KCNQ5: variants seen among roughly 807,000 people sequenced by gnomAD.
The protein encoded by KCNQ5 is potassium voltage-gated channel subfamily KQT member 5.
A neutral mutation model predicts 98.2 loss-of-function variants in KCNQ5; 30 were observed. That is an observed-to-expected ratio of 0.31 (90% confidence interval 0.23 to 0.41). The LOEUF is 0.41. Ranked by LOEUF, KCNQ5 falls within the 10% of genes least tolerant of loss-of-function variation. KCNQ5 has a pLI of 1.00. For missense variants in KCNQ5, 835 were observed against 1,182.5 expected (o/e 0.71, Z 4.31); for synonymous variants, 458 against 449.4 (o/e 1.02, Z -0.24).
rs193198502 is a variant in KCNQ5 at position 72,903,746 on chromosome 6, T to C, written c.399-100162T>C. 7.1e-3 allele frequency among the ~76,000 whole-genome samples: 1,080 copies of C among 152,294 alleles called. 6 individuals carry two copies. The highest frequency in any genetic ancestry group is 0.012 in the Non-Finnish European group (784 of 67,992). On this transcript the variant is annotated intron_variant, in intron 1 of 13. Transcript: ENST00000370398. ...AATTTATTGAGGCTTGTTTGTGGCCTATGATATGGTCTATCTTGGAGAAAG... is the reference window on the plus strand; with the variant it reads ...AATTTATTGAGGCTTGTTTGTGGCCCATGATATGGTCTATCTTGGAGAAAG...
chr6:72,897,513 G>A (rs1430506652), intron 1 of KCNQ5, among the ~76,000 whole-genome samples: 2 of 152,224 alleles, frequency 1.3e-5, no homozygotes, highest in East Asian at 3.9e-4. Flanking sequence ...CCGCATTCCA[G>A]CATGGGCAAC....
intron 1 of KCNQ5, among the ~76,000 whole-genome samples, chr6:72,842,082 A>G (rs541916995): frequency 2.4e-4 from 37 of 152,326 alleles, no homozygotes; most frequent in African/African-American, 8.7e-4. Context: ...TTAACTGGAC[A>G]TTCACACACA....
At chr6:73,182,334 C>T (rs1778430495) in intron 11 of KCNQ5, among the ~76,000 whole-genome samples, 1 of 152,200 alleles carries the variant, frequency 6.6e-6, no homozygotes, top group Non-Finnish European at 1.5e-5. Context: ...AAGATATTTA[C>T]TACCTGGCCC....
chr6:72,971,003 T>C (rs1450045629), intron 1 of KCNQ5, among the ~76,000 whole-genome samples: 1 of 152,108 alleles, frequency 6.6e-6, no homozygotes, highest in African/African-American at 2.4e-5. Flanking sequence ...ACAAATGGGA[T>C]CTACTTAAAC....
chr6:72,877,143 C>T (rs1018066412), intron 1 of KCNQ5, among the ~76,000 whole-genome samples: 3 of 152,014 alleles, frequency 2.0e-5, no homozygotes, highest in African/African-American at 7.2e-5. Context: ...TTTTGCTGCA[C>T]CTATCAACCT....
At chr6:72,749,055 C>G (rs1387540749) in intron 1 of KCNQ5, among the ~76,000 whole-genome samples, 1 of 152,144 alleles carries the variant, frequency 6.6e-6, no homozygotes, top group Non-Finnish European at 1.5e-5. Context: ...GGGGAGTTAA[C>G]TCTTGGATTC....
At chr6:73,118,363 T>C (rs1775594656) in intron 7 of KCNQ5, among the ~76,000 whole-genome samples, 1 of 152,262 alleles carries the variant, frequency 6.6e-6, no homozygotes, top group African/African-American at 2.4e-5. Flanking sequence ...TGCCATATAG[T>C]ATTGTACTAT....
chr6:72,775,121 C>T lies in KCNQ5; in HGVS notation c.398+152534C>T, dbSNP rs1773097078. 2.0e-5 allele frequency among the ~76,000 whole-genome samples: 3 copies of T among 152,110 alleles called. No individual in the cohort carries two copies. The South Asian group carries it at 6.2e-4, about 32-fold the overall frequency. ...TTATATTCACACTAGGAATAGCATACAGCAGTGGGAATGACCTACAACTAT... is the reference window on the plus strand; with the variant it reads ...TTATATTCACACTAGGAATAGCATATAGCAGTGGGAATGACCTACAACTAT... On this transcript the variant is annotated intron_variant, in intron 1 of 13. Coordinates refer to ENST00000370398, the MANE Select transcript of KCNQ5 (RefSeq NM_019842.4).
rs2098916039 is a variant in KCNQ5, at chr6:72,622,741, G to T, written c.398+154G>T. On this transcript the variant is annotated intron_variant, in intron 1 of 13. Transcript: ENST00000370398. This position sits in a 1 kb window ranked among gnomAD's most constrained non-coding sequence, Gnocchi z 6.0. Reference sequence around the variant, plus strand: ...ACGTGTTCGTGGTCTTCCTTCTGGAGCCTCTCCCCTCCCCCAGCCCCACTT... The same window carrying T: ...ACGTGTTCGTGGTCTTCCTTCTGGATCCTCTCCCCTCCCCCAGCCCCACTT... Among the ~76,000 whole-genome samples, 1 of 152,108 alleles carries T rather than the reference G, an allele frequency of 6.6e-6. No individual in the cohort carries two copies. The highest frequency in any genetic ancestry group is 2.4e-5 in the African/African-American group (1 of 41,438).
In KCNQ5 at chr6:73,079,059, T is replaced by G. The variant is rs145056353; in HGVS notation, c.918+1172T>G. 5.9e-4 allele frequency among the ~76,000 whole-genome samples: 90 copies of G among 152,284 alleles called. 1 individual carries two copies. In the East Asian group the frequency reaches 0.017, roughly 28 times the overall value. On this transcript the variant is annotated intron_variant, in intron 5 of 13. Transcript: ENST00000370398. ...GCTCACGCCTGTAATCCAAGCACTT[T>G]GGGAGGCTAAGGCGGGCCAGTTGCT...
intron 1 of KCNQ5, among the ~76,000 whole-genome samples, chr6:72,989,639 G>T (rs1451018878): frequency 4.2e-3 from 1 of 240 alleles, no homozygotes; most frequent in Non-Finnish European, 7.2e-3. Flanking sequence ...TTCTTTTGCT[G>T]TGCAGAAGCT....
chr6:72,687,722 A>C (rs570603899), intron 1 of KCNQ5, among the ~76,000 whole-genome samples: 1 of 152,018 alleles, frequency 6.6e-6, no homozygotes, highest in East Asian at 1.9e-4. Context: ...CTGTAGAATG[A>C]TGTTTCATTT....
chr6:73,080,016 A>G (rs1773702794), intron 5 of KCNQ5, among the ~76,000 whole-genome samples: 1 of 152,224 alleles, frequency 6.6e-6, no homozygotes, highest in African/African-American at 2.4e-5. Flanking sequence ...TGGTGAGTTT[A>G]GCCTGGGAGC....
At chr6:72,656,026 C>T (rs1034832835) in intron 1 of KCNQ5, among the ~76,000 whole-genome samples, 9 of 152,138 alleles carry the variant, frequency 5.9e-5, no homozygotes, top group Non-Finnish European at 1.5e-5. Context: ...TTTCCATTTG[C>T]CCTCAGATAT....
At chr6:72,958,330 T>C (rs761098432) in intron 1 of KCNQ5, among the ~76,000 whole-genome samples, 17 of 152,176 alleles carry the variant, frequency 1.1e-4, no homozygotes, top group Non-Finnish European at 2.2e-4. Context: ...TTATAACATA[T>C]AGTTAGTGGA....
intron 6 of KCNQ5, among the ~76,000 whole-genome samples, chr6:73,106,164 C>T (rs1342073367): frequency 6.6e-6 from 1 of 152,092 alleles, no homozygotes; most frequent in East Asian, 1.9e-4. Context: ...ACCAGAGACC[C>T]CAGAGCACCT....
chr6:72,652,725 T>C (rs1158935089), intron 1 of KCNQ5, among the ~76,000 whole-genome samples: 2 of 152,064 alleles, frequency 1.3e-5, no homozygotes, highest in South Asian at 2.1e-4. Flanking sequence ...GCTGTATTCC[T>C]GTATCCTGTT....
chr6:72,836,933 A>G (rs889468760), intron 1 of KCNQ5, among the ~76,000 whole-genome samples: 1 of 152,200 alleles, frequency 6.6e-6, no homozygotes, highest in Non-Finnish European at 1.5e-5. Context: ...GAATTCATCT[A>G]GCCATAAGAT....
intron 1 of KCNQ5, among the ~76,000 whole-genome samples, chr6:72,760,189 T>C (rs189544733): frequency 5.9e-4 from 90 of 152,260 alleles, no homozygotes; most frequent in East Asian, 4.5e-3. Flanking sequence ...TTGGTAACTT[T>C]TATAAATAAA....
Sources: allele counts gnomAD v4.1 joint callset (sites outside exome capture counted in the v4.1 genomes callset), GRCh38; gene constraint gnomAD v4.1.1; non-coding constraint Gnocchi (gnomAD v3.1); transcripts MANE v1.5; gene names NCBI Gene and HGNC (gene_info 2026-07-23, HGNC 2026-07-21).